The following WDR45B variants were observed in gnomAD, a reference collection of about 807,000 sequenced individuals.
The protein encoded by WDR45B is WD repeat domain 45B, also known as WD repeat domain phosphoinositide-interacting protein 3.
Under a neutral mutation model 44.6 loss-of-function variants are expected in WDR45B, and 20 were observed. That is an observed-to-expected ratio of 0.45 (90% CI 0.32 to 0.65). The LOEUF is 0.65. WDR45B is among the 30% of genes least tolerant of loss of function. The pLI is 0.05. For synonymous variants in WDR45B, 169 were observed against 164.9 expected (o/e 1.02, Z -0.19); for missense variants, 323 against 430.2 (o/e 0.75, Z 2.20).
At chr17:82,643,789 C>T (rs149941716) in intron 2 of WDR45B, among the ~76,000 whole-genome samples, 160 bp downstream of exon 2, 2 of 152,218 alleles carry the variant, frequency 1.3e-5, no homozygotes, top group African/African-American at 4.8e-5. Flanking sequence ...AGAAGCTCAA[C>T]GAAAGAAAGA....
At chr17:82,627,348 T>TC in intron 3 of WDR45B, 57 bp from the exon 4 acceptor site, 2 of 1,401,842 alleles carry the variant, frequency 1.4e-6, no homozygotes, top group Non-Finnish European at 2.0e-6. Context: ...GGCGCTGGGA[T>TC]GCAGCGATGC....
At position 82,628,262 on chromosome 17, in the gene WDR45B, G is replaced by C. The variant is rs116271768; in HGVS notation, c.245-971C>G. On this transcript the variant is annotated intron_variant, in intron 3 of 9. Transcript: ENST00000392325. The stretch of plus-strand genomic sequence containing the variant: ...CCCACCTCAACTTCCCAAAGTGCTA[G>C]GACTGCACGTGTGAGCCACTGCACC... Among the ~76,000 whole-genome samples, 895 of 152,320 alleles carry C rather than the reference G, an allele frequency of 5.9e-3. 16 individuals carry two copies. The highest frequency in any genetic ancestry group is 0.021 in the African/African-American group (866 of 41,564).
At chr17:82,631,097 G>A (rs940435362) in intron 2 of WDR45B, 75 bp from the exon 3 acceptor site, 12 of 1,432,856 alleles carry the variant, frequency 8.4e-6, no homozygotes, top group Admixed American at 5.2e-5. Flanking sequence ...AAAAGAGAAA[G>A]TCAAGACAGG....
intron 2 of WDR45B, among the ~76,000 whole-genome samples, chr17:82,633,188 C>G (rs966893297): frequency 6.7e-6 from 1 of 148,958 alleles, no homozygotes; most frequent in Non-Finnish European, 1.5e-5. Flanking sequence ...AAAACCAGCA[C>G]GGGCAATGTG....
At chr17:82,648,156 C>T (rs2046006302) in intron 1 of WDR45B, 118 bp downstream of exon 1, 2 of 1,197,964 alleles carry the variant, frequency 1.7e-6, no homozygotes, top group South Asian at 1.5e-5. Flanking sequence ...CGGGCGGGGC[C>T]GGGGTCCCGG....
intron 5 of WDR45B, among the ~76,000 whole-genome samples, chr17:82,622,297 G>A (rs898251606): frequency 1.3e-5 from 2 of 152,280 alleles, no homozygotes; most frequent in Non-Finnish European, 2.9e-5. Context: ...GTGATCGTGG[G>A]CTGGAAGATT....
chr17:82,625,472 AC>A lies in WDR45B; in HGVS notation c.343del (p.Val115PhefsTer5), dbSNP rs1339448191. The A allele has an allele frequency of 3.7e-6, 6 of 1,614,214 alleles. No individual in the cohort carries two copies. On this transcript the variant is annotated frameshift_variant, in exon 5 of 10. Transcript: ENST00000392325. LOFTEE classifies it high-confidence loss of function. ...GAACACCTTAATCATGGAGTCCAAA[AC>A]CACCACAATTCTGGAAAGAAAAACA... ...VKLRRDRIVV[V>X]LDSMIKVFTF... is the part of the protein sequence containing the mutation.
At chr17:82,628,240 A>G (rs897065878) in intron 3 of WDR45B, among the ~76,000 whole-genome samples, 1 of 152,134 alleles carries the variant, frequency 6.6e-6, no homozygotes, top group Non-Finnish European at 1.5e-5. Context: ...TGATCTGCCC[A>G]CCTCAACTTC....
At position 82,627,258 on chromosome 17, in the gene WDR45B, A is replaced by G; in HGVS notation, c.278T>C (p.Val93Ala). ...MIWDDLKKKTVIEIEFSTEVK... is the reference protein window; with the variant it reads ...MIWDDLKKKTAIEIEFSTEVK... ...TTCTGTAGAAAATTCTATTTCAATA[A>G]CAGTCTTCTTCTTCAGGTCATCCCA... Residue 93 changes from valine (V) to alanine (A), a missense_variant, in exon 4 of 10, where the codon GTT (valine) becomes GCT (alanine). Physicochemically the swap from Val to Ala is moderately conservative, Grantham distance 64. Coordinates refer to ENST00000392325, the MANE Select transcript of WDR45B (RefSeq NM_019613.4). 1 of 1,613,680 alleles carries G rather than the reference A, an allele frequency of 6.2e-7. No individual in the cohort carries two copies. The highest frequency in any genetic ancestry group is 8.5e-7 in the Non-Finnish European group (1 of 1,179,934).
chr17:82,640,069 GC>G (rs1304519220), intron 2 of WDR45B, among the ~76,000 whole-genome samples: 1 of 138,962 alleles, frequency 7.2e-6, no homozygotes, highest in Non-Finnish European at 1.6e-5. Context: ...GGACAACACT[GC>G]CCCCCAAGAC....
In WDR45B at chr17:82,615,117, G is replaced by T. The variant is rs113245692; in HGVS notation, c.*802C>A. The T allele has an allele frequency of 6.7e-3, 1,028 of 152,506 alleles. 3 individuals are homozygous for T. Among genetic ancestry groups the T allele is most frequent in the Non-Finnish European group, 0.01 (693 of 68,210 alleles). 9.4% of individuals were successfully genotyped at this position (152,506 alleles called of 1,614,324 possible). On this transcript the variant is annotated 3_prime_UTR_variant, in exon 10 of 10. Coordinates refer to ENST00000392325, the MANE Select transcript of WDR45B (RefSeq NM_019613.4). ...ATGTTCAAAGTTCGTGCATCACTCT[G>T]CTGTTCCCTACACATAACCGGGAAA...
At chr17:82,648,147 G>A in intron 1 of WDR45B, 127 bp downstream of exon 1, 1 of 1,120,928 alleles carries the variant, frequency 8.9e-7, no homozygotes. Flanking sequence ...AGGGGAGCTC[G>A]GGCGGGGCCG....
chr17:82,627,434 C>T, intron 3 of WDR45B, 143 bp from the exon 4 acceptor site: 1 of 728,818 alleles, frequency 1.4e-6, no homozygotes, highest in Non-Finnish European at 2.4e-6. Flanking sequence ...CACACACCCG[C>T]ACCTGGGAGG....
chr17:82,616,361 G>A (rs1330294714), intron 9 of WDR45B, among the ~76,000 whole-genome samples, 163 bp downstream of exon 9: 4 of 152,222 alleles, frequency 2.6e-5, no homozygotes, highest in East Asian at 1.9e-4. Context: ...CGTGCAGACC[G>A]TAAGCGGGAC....
intron 2 of WDR45B, among the ~76,000 whole-genome samples, chr17:82,640,989 G>C (rs1032343702): frequency 1.9e-5 from 1 of 52,602 alleles, no homozygotes; most frequent in Non-Finnish European, 4.2e-5. Context: ...TTTTTGAGAC[G>C]GAGTCTTGCT....
At chr17:82,629,201 C>T (rs1196993626) in intron 3 of WDR45B, among the ~76,000 whole-genome samples, 3 of 152,174 alleles carry the variant, frequency 2.0e-5, no homozygotes, top group Non-Finnish European at 4.4e-5. Context: ...TTGTTAGCAC[C>T]TGGGGTCCCC....
chr17:82,646,514 C>CAAAAAAAAAAAAAAAAAAAAA (rs1568019681), intron 1 of WDR45B, among the ~76,000 whole-genome samples: 1 of 21,682 alleles, frequency 4.6e-5, no homozygotes, highest in African/African-American at 2.5e-4. Flanking sequence ...AAAAAAAAAC[C>CAAAAAAAAAAAAAAAAAAAAA]CAAAACAAAA....
At chr17:82,623,122 T>C (rs2143274492) in intron 5 of WDR45B, among the ~76,000 whole-genome samples, 1 of 152,356 alleles carries the variant, frequency 6.6e-6, no homozygotes, top group South Asian at 2.1e-4. Flanking sequence ...CCGGGCACAG[T>C]GGCTCACGCC....
At chr17:82,631,063 T>A in intron 2 of WDR45B, 41 bp from the exon 3 acceptor site, 1 of 1,560,952 alleles carries the variant, frequency 6.4e-7, no homozygotes, top group Non-Finnish European at 8.8e-7. Flanking sequence ...TACAAGTTAA[T>A]ATGTATATTT....
Sources: allele counts gnomAD v4.1 joint callset (sites outside exome capture counted in the v4.1 genomes callset), GRCh38; gene constraint gnomAD v4.1.1; transcripts MANE v1.5; gene names NCBI Gene and HGNC (gene_info 2026-07-23, HGNC 2026-07-21).